The following UNC5D variants were observed in gnomAD, a reference collection of about 807,000 sequenced individuals.
The protein encoded by UNC5D is unc-5 netrin receptor D, also known as netrin receptor UNC5D.
A neutral mutation model predicts 105.4 loss-of-function variants in UNC5D; 39 were observed. The observed-to-expected ratio is 0.37, with a 90% CI of 0.29 to 0.48. The LOEUF is 0.48. Among genes scored for constraint, UNC5D ranks in the 20% least tolerant of loss-of-function variants. The probability of loss-of-function intolerance (pLI) is 0.98; values close to 1 mark genes in which losing one functional copy is unlikely to be tolerated. For synonymous variants in UNC5D, 452 were observed against 450.4 expected, an observed-to-expected ratio of 1.00 and a Z score of -0.04; for missense variants, 991 against 1,202.4, an observed-to-expected ratio of 0.82 and a Z score of 2.60.
At chr8:35,623,543 C>T (rs58875926) in intron 4 of UNC5D, among the ~76,000 whole-genome samples, 1 of 152,020 alleles carries the variant, frequency 6.6e-6, no homozygotes, top group African/African-American at 2.4e-5. Flanking sequence ...CATTGCATGG[C>T]CTCTCTCCCT....
chr8:35,365,849 T>C (rs1305724086), intron 1 of UNC5D, among the ~76,000 whole-genome samples: 2 of 151,888 alleles, frequency 1.3e-5, no homozygotes, highest in African/African-American at 2.4e-5. Context: ...ATAATGAGAG[T>C]TGAATGAAAA....
intron 1 of UNC5D, among the ~76,000 whole-genome samples, chr8:35,439,505 A>C (rs940096080): frequency 1.9e-4 from 29 of 151,972 alleles, no homozygotes; most frequent in Non-Finnish European, 1.0e-4. Context: ...AAGTTTAAAA[A>C]CCAGTGTCTG....
intron 1 of UNC5D, among the ~76,000 whole-genome samples, chr8:35,246,069 G>A (rs374447351): frequency 6.6e-6 from 1 of 152,036 alleles, no homozygotes; most frequent in African/African-American, 2.4e-5. Context: ...TAAGCAATGT[G>A]GGGGGCTAGA....
chr8:35,679,426 G>A (rs1424332071), intron 4 of UNC5D, among the ~76,000 whole-genome samples: 1 of 152,130 alleles, frequency 6.6e-6, no homozygotes, highest in Non-Finnish European at 1.5e-5. Context: ...CTATGGGAAA[G>A]TTCTTCAGGG....
intron 15 of UNC5D, among the ~76,000 whole-genome samples, chr8:35,768,421 C>T: frequency 6.6e-6 from 1 of 152,066 alleles, no homozygotes; most frequent in East Asian, 1.9e-4. Flanking sequence ...TCACACGATA[C>T]ATTCCAAAGT....
At chr8:35,574,146 C>T (rs1227231343) in intron 3 of UNC5D, among the ~76,000 whole-genome samples, 4 of 152,146 alleles carry the variant, frequency 2.6e-5, no homozygotes, top group African/African-American at 9.7e-5. Context: ...CTGCCTAGCC[C>T]TTTATTTTCT....
intron 1 of UNC5D, among the ~76,000 whole-genome samples, chr8:35,425,191 T>G (rs971112372): frequency 3.9e-5 from 6 of 152,124 alleles, no homozygotes; most frequent in South Asian, 4.1e-4. Flanking sequence ...ATAATAAAAA[T>G]AAAAAGAAAA....
At chr8:35,278,470 T>G (rs1336571196) in intron 1 of UNC5D, among the ~76,000 whole-genome samples, 1 of 152,188 alleles carries the variant, frequency 6.6e-6, no homozygotes, top group Non-Finnish European at 1.5e-5. Context: ...AAAAAATAGT[T>G]GGTCATTTCA....
chr8:35,248,143 AT>A (rs1803293456), intron 1 of UNC5D, among the ~76,000 whole-genome samples: 1 of 33,342 alleles, frequency 3.0e-5, no homozygotes, highest in African/African-American at 1.9e-4. Context: ...ATTATATAAA[AT>A]ATATATAATA....
At position 35,790,604 on chromosome 8, in the gene UNC5D, G is replaced by T; in HGVS notation, c.*41G>T. 1 of 1,608,696 alleles carries T rather than the reference G, an allele frequency of 6.2e-7. No homozygotes were observed. The highest frequency in any genetic ancestry group is 8.5e-7 in the Non-Finnish European group (1 of 1,176,904). Reference sequence around the variant, plus strand: ...GAGACAGAGTGATGGCCAGCTTGGGGACATTTGCTTTAAATGGGAAAGAGG... The same window carrying T: ...GAGACAGAGTGATGGCCAGCTTGGGTACATTTGCTTTAAATGGGAAAGAGG... On this transcript the variant is annotated 3_prime_UTR_variant, in exon 17 of 17. Coordinates refer to ENST00000404895, the MANE Select transcript of UNC5D (RefSeq NM_080872.4).
intron 11 of UNC5D, among the ~76,000 whole-genome samples, chr8:35,746,729 T>A (rs1448626668): frequency 2.0e-5 from 3 of 152,186 alleles, no homozygotes; most frequent in Non-Finnish European, 4.4e-5. Context: ...GAACAATATG[T>A]TCAACAAGGA....
At chr8:35,538,190 G>C (rs1396961165) in intron 1 of UNC5D, among the ~76,000 whole-genome samples, 1 of 151,568 alleles carries the variant, frequency 6.6e-6, no homozygotes, top group Non-Finnish European at 1.5e-5. Context: ...TCGGCTATAA[G>C]CAAAAGAGGG....
chr8:35,495,458 C>CAACAAAAAAAAAAAAAAA (rs1811504758), intron 1 of UNC5D, among the ~76,000 whole-genome samples: 1 of 44,632 alleles, frequency 2.2e-5, no homozygotes, highest in Non-Finnish European at 3.8e-5. Context: ...ACAACAACAA[C>CAACAAAAAAAAAAAAAAA]AAAAAAAAAA....
intron 1 of UNC5D, among the ~76,000 whole-genome samples, chr8:35,480,482 A>G (rs905143677): frequency 2.6e-5 from 4 of 152,108 alleles, no homozygotes; most frequent in Non-Finnish European, 4.4e-5. Flanking sequence ...GCTCCTGAGG[A>G]GTCCTTATGA....
At chr8:35,624,494 G>C (rs1290814840) in intron 4 of UNC5D, among the ~76,000 whole-genome samples, 1 of 152,078 alleles carries the variant, frequency 6.6e-6, no homozygotes, top group East Asian at 1.9e-4. Flanking sequence ...TGCACAAAAG[G>C]CCTGAGCTTT....
chr8:35,327,556 C>A (rs1401829731), intron 1 of UNC5D, among the ~76,000 whole-genome samples: 1 of 152,182 alleles, frequency 6.6e-6, no homozygotes, highest in Non-Finnish European at 1.5e-5. Context: ...GCTCCTCTGC[C>A]AGGGGCATAT....
At chr8:35,424,858 A>G (rs914481392) in intron 1 of UNC5D, among the ~76,000 whole-genome samples, 3 of 152,242 alleles carry the variant, frequency 2.0e-5, no homozygotes, top group African/African-American at 7.2e-5. Flanking sequence ...AGGAATTGGC[A>G]CTTTAGAAGT....
chr8:35,492,673 C>T (rs1811288421), intron 1 of UNC5D, among the ~76,000 whole-genome samples: 1 of 151,962 alleles, frequency 6.6e-6, no homozygotes, highest in Non-Finnish European at 1.5e-5. Flanking sequence ...ATGGTTGAGG[C>T]TTAAATGGGC....
In UNC5D at chr8:35,446,394, G is replaced by A. The variant is rs1419227913; in HGVS notation, c.104-102898G>A. Among the ~76,000 whole-genome samples the A allele has an allele frequency of 2.0e-5, 3 of 151,764 alleles. No homozygotes were observed. The East Asian group carries it at 5.8e-4, about 29-fold the overall frequency. Reference sequence around the variant, plus strand: ...GAAGAAAATTCACTTACATTTTCTTGTAATTACTTTATGCATTTGATCTTT... The same window carrying A: ...GAAGAAAATTCACTTACATTTTCTTATAATTACTTTATGCATTTGATCTTT... On this transcript the variant is annotated intron_variant, in intron 1 of 16. Coordinates refer to ENST00000404895, the MANE Select transcript of UNC5D (RefSeq NM_080872.4).
Sources: allele counts gnomAD v4.1 joint callset (sites outside exome capture counted in the v4.1 genomes callset), GRCh38; gene constraint gnomAD v4.1.1; transcripts MANE v1.5; gene names NCBI Gene and HGNC (gene_info 2026-07-23, HGNC 2026-07-21).